Variants in FMN1 observed in about 807,000 individuals in gnomAD.
FMN1 encodes formin 1, also known as formin-1.
In FMN1, 110 loss-of-function variants were observed where a neutral mutation model predicts 132.4. The observed-to-expected ratio is 0.83, with a 90% CI of 0.71 to 0.97. The LOEUF is 0.97. Ranked by LOEUF, FMN1 falls within the 50% of genes least tolerant of loss-of-function variation. The pLI is 0.00. For synonymous variants in FMN1, 722 were observed against 651.7 expected, an observed-to-expected ratio of 1.11 and a Z score of -1.64; for missense variants, 1,792 against 1,705.3, an observed-to-expected ratio of 1.05 and a Z score of -0.90.
At chr15:32,933,649 TG>T (rs1316676671) in intron 9 of FMN1, among the ~76,000 whole-genome samples, 3 of 152,206 alleles carry the variant, frequency 2.0e-5, no homozygotes, top group Non-Finnish European at 4.4e-5. Flanking sequence ...GCTTGTACGT[TG>T]GGTGCACATA....
At chr15:33,006,423 G>C (rs114495994) in intron 7 of FMN1, among the ~76,000 whole-genome samples, 1 of 152,130 alleles carries the variant, frequency 6.6e-6, no homozygotes, top group Non-Finnish European at 1.5e-5. Flanking sequence ...TGGAAAAAGA[G>C]AACCCATGCA....
intron 9 of FMN1, among the ~76,000 whole-genome samples, chr15:32,934,240 T>TC (rs2061199258): frequency 6.6e-6 from 1 of 152,182 alleles, no homozygotes; most frequent in Admixed American, 6.5e-5. Context: ...CTCTTACTTC[T>TC]CCACTCCCAC....
chr15:33,083,837 A>C (rs971258696), intron 5 of FMN1, among the ~76,000 whole-genome samples: 4 of 152,190 alleles, frequency 2.6e-5, no homozygotes, highest in Non-Finnish European at 4.4e-5. Flanking sequence ...AGGATGTCAT[A>C]AAGAAGCCAG....
chr15:33,107,856 G>A (rs1268324601), intron 4 of FMN1, among the ~76,000 whole-genome samples: 1 of 152,054 alleles, frequency 6.6e-6, no homozygotes, highest in Non-Finnish European at 1.5e-5. Context: ...CCTCTTTGAA[G>A]ACATTTAAAT....
intron 6 of FMN1, among the ~76,000 whole-genome samples, chr15:33,017,342 G>C (rs1376198413): frequency 1.3e-5 from 2 of 152,198 alleles, no homozygotes; most frequent in African/African-American, 2.4e-5. Context: ...TGGGTCAACT[G>C]TAACAAATGT....
At chr15:32,921,377 G>A (rs1439966099) in intron 10 of FMN1, among the ~76,000 whole-genome samples, 1 of 152,170 alleles carries the variant, frequency 6.6e-6, no homozygotes, top group Non-Finnish European at 1.5e-5. Flanking sequence ...CTAGAGTGCA[G>A]TGAGATGAGA....
At chr15:33,071,213 G>T (rs1185931494) in intron 5 of FMN1, among the ~76,000 whole-genome samples, 1 of 152,148 alleles carries the variant, frequency 6.6e-6, no homozygotes, top group Non-Finnish European at 1.5e-5. Flanking sequence ...CTTTTCTTTT[G>T]CATAACTTGG....
At chr15:32,809,851 C>T (rs142890765) in intron 17 of FMN1, among the ~76,000 whole-genome samples, 53 of 152,290 alleles carry the variant, frequency 3.5e-4, no homozygotes, top group Non-Finnish European at 6.3e-4. Flanking sequence ...GTGCTCCTTT[C>T]AGAGTTGCAA....
At chr15:32,967,507 G>A (rs899200015) in intron 8 of FMN1, among the ~76,000 whole-genome samples, 13 of 152,324 alleles carry the variant, frequency 8.5e-5, no homozygotes, top group Admixed American at 7.2e-4. Context: ...AAATGTCTGA[G>A]TCTTTATTGG....
intron 3 of FMN1, among the ~76,000 whole-genome samples, chr15:33,157,967 A>G (rs1448521138): frequency 6.6e-6 from 1 of 150,618 alleles, no homozygotes; most frequent in African/African-American, 2.5e-5. Context: ...ACTCCAGCCT[A>G]AGTGACAGAG....
chr15:33,154,325 C>T lies in FMN1; in HGVS notation c.590G>A (p.Cys197Tyr), dbSNP rs1352771347. Residue 197 changes from cysteine to tyrosine, a missense_variant, in exon 4 of 21, where the codon TGT becomes TAT. Physicochemically the swap from Cys to Tyr is radical, Grantham distance 194. Coordinates refer to ENST00000616417, the MANE Select transcript of FMN1 (RefSeq NM_001277313.2). ...SAPLMGKDKI[C>Y]SSHSLPLSRT... ...AGAAAGAGGAAGGGAGTGGCTGGAA[C>T]AGATCTTGTCCTTGCCCATCAGAGG... 3.9e-6 allele frequency: 6 copies of T among 1,536,044 alleles called. No homozygotes were observed. Among genetic ancestry groups the T allele is most frequent in the African/African-American group, 1.4e-5 (1 of 73,060 alleles).
At chr15:32,997,778 T>C (rs753557105) in intron 7 of FMN1, among the ~76,000 whole-genome samples, 74 of 152,198 alleles carry the variant, frequency 4.9e-4, no homozygotes, top group Non-Finnish European at 3.4e-4. Flanking sequence ...ATCTTTCACT[T>C]ACACTTCCAA....
intron 17 of FMN1, chr15:32,837,089 G>A (rs1266550576): frequency 2.2e-5 from 5 of 227,998 alleles, no homozygotes; most frequent in East Asian, 1.1e-4. Flanking sequence ...TTCACCGCCA[G>A]GAGGAAGGCT....
chr15:32,988,939 C>T lies in FMN1; in HGVS notation c.2223+19075G>A, dbSNP rs112353566. On this transcript the variant is annotated intron_variant, in intron 7 of 20. Transcript: ENST00000616417. ...AATCATCATGCAAATGTTGTCTAAA[C>T]GCACAACATCTGATAAATGCACATT... 4.2e-3 allele frequency among the ~76,000 whole-genome samples: 645 copies of T among 152,244 alleles called. 2 individuals carry two copies. Among genetic ancestry groups the T allele is most frequent in the Non-Finnish European group, 6.4e-3 (437 of 68,008 alleles).
Position 32,969,231 on chromosome 15 carries a change from T to C in FMN1, c.2470A>G (p.Arg824Gly). ...TTTTTGGGTACTAATTGATTACTTC[T>C]GGTTGTCTTGCTTTCACTTTCACAG... The part of the protein sequence containing the change: ...KPCESESKTT[R>G]SNQLVPKKLN... The change falls in exon 8 of 21, where the codon AGA (arginine) becomes GGA (glycine). Residue 824 changes from arginine to glycine, a missense_variant. Arg to Gly is a moderately radical substitution (Grantham distance 125, BLOSUM62 -2). Around this residue, in one of 3 missense-constraint regions of FMN1, gnomAD observed 1,150 missense variants for 1,043.1 expected, o/e 1.10. Transcript: ENST00000616417. 1 of 1,613,956 alleles carries C rather than the reference T, an allele frequency of 6.2e-7. No homozygotes were observed. The highest frequency in any genetic ancestry group is 8.5e-7 in the Non-Finnish European group (1 of 1,179,882).
rs765016717 is a variant in FMN1 at position 32,888,221 on chromosome 15, C to T, written c.3786G>A (p.Lys1262=). 2.5e-6 allele frequency: 4 copies of T among 1,613,208 alleles called. No individual in the cohort carries two copies. In the South Asian group the frequency reaches 4.4e-5, roughly 18 times the overall value. The change falls in exon 16 of 21, where the codon AAG becomes AAA. Residue 1262 remains lysine, a synonymous_variant. Transcript: ENST00000616417. The part of the protein sequence containing the change: ...PQDFFLASQV[K]FEDLIKDLRK... Reference sequence around the variant, plus strand: ...TCAAATCTTTTATGAGGTCTTCAAACTTGACTTGGGAGGCCAGAAAGAAAT... The same window carrying T: ...TCAAATCTTTTATGAGGTCTTCAAATTTGACTTGGGAGGCCAGAAAGAAAT...
intron 20 of FMN1, 79 bp downstream of exon 20, chr15:32,776,756 A>C: frequency 1.3e-6 from 1 of 757,054 alleles, no homozygotes; most frequent in Middle Eastern, 2.4e-4. Flanking sequence ...ACTATGTTTC[A>C]TCTCTGAGCT....
At chr15:33,106,447 C>T (rs931967403) in intron 4 of FMN1, among the ~76,000 whole-genome samples, 4 of 151,926 alleles carry the variant, frequency 2.6e-5, no homozygotes, top group Admixed American at 6.6e-5. Context: ...AATCTATTAG[C>T]TTTTAGAGGA....
chr15:32,811,152 C>T (rs1207285493), intron 17 of FMN1: 5 of 453,530 alleles, frequency 1.1e-5, no homozygotes, highest in Admixed American at 9.4e-5. Flanking sequence ...ATATTTGGAA[C>T]CAGTTTGTGA....
Sources: allele counts gnomAD v4.1 joint callset (sites outside exome capture counted in the v4.1 genomes callset), GRCh38; gene constraint gnomAD v4.1.1; regional missense constraint gnomAD v4.1.1; transcripts MANE v1.5; gene names NCBI Gene and HGNC (gene_info 2026-07-23, HGNC 2026-07-21).